Variants in NAA35 observed in about 807,000 individuals in gnomAD.
NAA35 encodes N-alpha-acetyltransferase 35, NatC auxiliary subunit, also known as MAK10 homolog, amino-acid N-acetyltransferase subunit.
NAA35 carries 18 observed loss-of-function variants against 101.7 expected under a neutral mutation model. That is an observed-to-expected ratio of 0.18 (90% confidence interval 0.12 to 0.26). NAA35 has a LOEUF of 0.26. Ranked by LOEUF, NAA35 falls within the 10% of genes least tolerant of loss-of-function variation. The pLI, the probability that NAA35 is intolerant of heterozygous loss-of-function variation, is 1.00. For missense variants in NAA35, 601 were observed against 886.8 expected (o/e 0.68, Z 4.09); for synonymous variants, 267 against 273.1 (o/e 0.98, Z 0.22).
intron 17 of NAA35, among the ~76,000 whole-genome samples, chr9:86,016,054 T>C (rs1048569082): frequency 6.6e-6 from 1 of 151,880 alleles, no homozygotes; most frequent in African/African-American, 2.4e-5. Context: ...TTGAAGACTT[T>C]TCTGGCTTAG....
At chr9:86,011,525 A>AT (rs1460320602) in intron 15 of NAA35, among the ~76,000 whole-genome samples, 2 of 150,460 alleles carry the variant, frequency 1.3e-5, no homozygotes, top group Non-Finnish European at 3.0e-5. Context: ...CACCTGGTTA[A>AT]TTTTTTTGTA....
intron 2 of NAA35, among the ~76,000 whole-genome samples, chr9:85,950,309 A>T (rs1828962248): frequency 6.6e-6 from 1 of 152,186 alleles, no homozygotes; most frequent in African/African-American, 2.4e-5. Context: ...GCCATGGCAC[A>T]ATCTCAGCTC....
At chr9:85,991,923 C>G (rs1249654804) in intron 11 of NAA35, among the ~76,000 whole-genome samples, 1 of 152,020 alleles carries the variant, frequency 6.6e-6, no homozygotes, top group Non-Finnish European at 1.5e-5. Flanking sequence ...ACCTGTAATC[C>G]CAGCACTTTG....
At chr9:85,992,298 A>G (rs1388100849) in intron 11 of NAA35, among the ~76,000 whole-genome samples, 1 of 152,192 alleles carries the variant, frequency 6.6e-6, no homozygotes, top group Non-Finnish European at 1.5e-5. Flanking sequence ...ATCAAAGTAA[A>G]TAATTCTGAC....
intron 6 of NAA35, among the ~76,000 whole-genome samples, chr9:85,964,220 A>G (rs1829645654): frequency 6.6e-6 from 1 of 151,218 alleles, no homozygotes; most frequent in African/African-American, 2.4e-5. Flanking sequence ...TATGATTCGT[A>G]TGCAGATTCA....
At chr9:85,982,407 T>C (rs558236093) in intron 11 of NAA35, among the ~76,000 whole-genome samples, 20 of 152,328 alleles carry the variant, frequency 1.3e-4, no homozygotes, top group African/African-American at 4.6e-4. Context: ...TTTACAGTTC[T>C]TTTTAATATG....
chr9:85,986,381 GA>G (rs1168576407), intron 11 of NAA35: 1 of 468,944 alleles, frequency 2.1e-6, no homozygotes, highest in African/African-American at 2.0e-5. Context: ...TAGGTGAGGG[GA>G]CAGAAGTGTG....
chr9:86,010,178 G>T (rs1831836108), intron 15 of NAA35, among the ~76,000 whole-genome samples: 1 of 152,098 alleles, frequency 6.6e-6, no homozygotes, highest in Admixed American at 6.5e-5. Flanking sequence ...AACCCAGGAG[G>T]TTTCAGTGAA....
chr9:85,977,765 TG>T (rs1477694231), intron 10 of NAA35, among the ~76,000 whole-genome samples: 1 of 152,212 alleles, frequency 6.6e-6, no homozygotes, highest in Non-Finnish European at 1.5e-5. Flanking sequence ...AATTAACTGT[TG>T]GGTTTGTATA....
At chr9:86,021,447 G>GT (rs1331935075) in intron 22 of NAA35, among the ~76,000 whole-genome samples, 1 of 152,298 alleles carries the variant, frequency 6.6e-6, no homozygotes, top group East Asian at 1.9e-4. Context: ...CGGAGGCACC[G>GT]TGGGGGCATT....
chr9:85,985,160 G>A (rs1336938993), intron 11 of NAA35, among the ~76,000 whole-genome samples: 4 of 152,210 alleles, frequency 2.6e-5, no homozygotes, highest in Admixed American at 6.5e-5. Context: ...GTGTTGGCAA[G>A]GATGTGGAGA....
At position 86,013,871 on chromosome 9, in the gene NAA35, T is replaced by C; in HGVS notation, c.1542T>C (p.Ser514=). The C allele has an allele frequency of 6.2e-7, 1 of 1,613,442 alleles. No individual in the cohort carries two copies. The highest frequency in any genetic ancestry group is 8.5e-7 in the Non-Finnish European group (1 of 1,179,498). ...GTGGCTTTGAATTGGAACTCTACAG[T>C]ATGCACGAGTACTATTACATATATT... is the stretch of plus-strand genomic sequence containing the variant. ...LLSGFELELY[S]MHEYYYIYWY... is the part of the protein sequence containing the mutation. Residue 514 remains serine (S), a synonymous_variant, in exon 17 of 23, where the codon AGT becomes AGC. Coordinates refer to ENST00000361671, the MANE Select transcript of NAA35 (RefSeq NM_024635.4).
chr9:85,979,026 T>G (rs1830328931), intron 11 of NAA35, among the ~76,000 whole-genome samples: 1 of 152,170 alleles, frequency 6.6e-6, no homozygotes, highest in African/African-American at 2.4e-5. Context: ...TAATCACCTC[T>G]CCTCTTTTTT....
intron 5 of NAA35, among the ~76,000 whole-genome samples, chr9:85,960,133 C>G (rs1055899909): frequency 7.2e-5 from 11 of 152,124 alleles, no homozygotes; most frequent in Admixed American, 2.0e-4. Context: ...TTTTCGTTCT[C>G]AAGTTACTCA....
In NAA35 at chr9:86,024,358, AAGG is replaced by A. The variant is rs1244174412; in HGVS notation, c.*2401_*2403del. ...GAAAAGGATGGCGGAGATGAGAGGC[AAGG>A]AGAAGCCGATACCCAAAACCCTGGG... On this transcript the variant is annotated 3_prime_UTR_variant, in exon 23 of 23. Transcript: ENST00000361671. Among the ~76,000 whole-genome samples, 6 of 152,194 alleles carry A rather than the reference AAGG, an allele frequency of 3.9e-5. No individual in the cohort carries two copies. Among genetic ancestry groups the A allele is most frequent in the Non-Finnish European group, 7.3e-5 (5 of 68,044 alleles).
At chr9:86,007,991 A>G (rs1343235584) in intron 14 of NAA35, among the ~76,000 whole-genome samples, 3 of 152,216 alleles carry the variant, frequency 2.0e-5, no homozygotes, top group Admixed American at 2.0e-4. Context: ...ATGGCTGCCA[A>G]ATATTTCATA....
At chr9:85,951,274 T>C (rs938336084) in intron 2 of NAA35, among the ~76,000 whole-genome samples, 1 of 152,216 alleles carries the variant, frequency 6.6e-6, no homozygotes, top group African/African-American at 2.4e-5. Context: ...CACTTCAATG[T>C]CTGGCATAAC....
chr9:85,966,216 T>G lies in NAA35; in HGVS notation c.516+4036T>G, dbSNP rs373602134. On this transcript the variant is annotated intron_variant, in intron 6 of 22. Coordinates refer to ENST00000361671, the MANE Select transcript of NAA35 (RefSeq NM_024635.4). ...CCAGCCTCCCAAAGTGCTGGAATTATAGCTGTGAGCCACCACACCTGACCT... is the reference window on the plus strand; with the variant it reads ...CCAGCCTCCCAAAGTGCTGGAATTAGAGCTGTGAGCCACCACACCTGACCT... Among the ~76,000 whole-genome samples, 192 of 152,270 alleles carry G rather than the reference T, an allele frequency of 1.3e-3. 4 individuals carry two copies. In the South Asian group the frequency reaches 0.034, roughly 27 times the overall value.
chr9:85,968,083 C>T (rs568529496), intron 6 of NAA35, among the ~76,000 whole-genome samples: 57 of 152,242 alleles, frequency 3.7e-4, no homozygotes, highest in African/African-American at 1.4e-3. Context: ...CTTGCAGATG[C>T]CTTGAATCGG....
Sources: gnomAD v4.1 joint callset for allele counts (sites outside exome capture counted in the v4.1 genomes callset) on GRCh38, gnomAD v4.1.1 for gene constraint, MANE v1.5 for transcripts, NCBI Gene and HGNC (gene_info 2026-07-23, HGNC 2026-07-21) for gene names.